ENOX1: variants seen among roughly 807,000 people sequenced by gnomAD.
ENOX1 encodes candidate growth-related and time keeping constitutive hydroquinone (NADH) oxidase.
A neutral mutation model predicts 82.5 loss-of-function variants in ENOX1; 42 were observed. The ratio of observed to expected loss-of-function variants is 0.51; its 90% CI spans 0.40 to 0.66. The LOEUF (loss-of-function observed/expected upper bound fraction) is 0.66. Ranked by LOEUF, ENOX1 falls within the 30% of genes least tolerant of loss-of-function variation. The pLI is 0.00. For synonymous variants in ENOX1, 271 were observed against 282.2 expected, an observed-to-expected ratio of 0.96 and a Z score of 0.40; for missense variants, 608 against 811.6, an observed-to-expected ratio of 0.75 and a Z score of 3.05.
rs1555341728 is a variant in ENOX1 at position 43,616,121 on chromosome 13, T to TAG, written c.-219+51357_-219+51358insCT. On this transcript the variant is annotated intron_variant, in intron 2 of 16. Coordinates refer to ENST00000690772, the MANE Select transcript of ENOX1 (RefSeq NM_001347969.2). ...CTATATAGATAGATATCTATAGATCTATAGATATCTATCTATCTAGATATC... is the reference window on the plus strand; with the variant it reads ...CTATATAGATAGATATCTATAGATCTAGATAGATATCTATCTATCTAGATATC... Among the ~76,000 whole-genome samples the TAG allele has an allele frequency of 4.3e-3, 184 of 43,216 alleles. 6 individuals carry two copies. The highest frequency in any genetic ancestry group is 0.017 in the Middle Eastern group (1 of 60). The allele number at this position is 43,216 out of a possible 152,430, so 28.4% of individuals were successfully genotyped here.
At chr13:43,307,209 C>A (rs1593832017) in intron 11 of ENOX1, among the ~76,000 whole-genome samples, 1 of 152,172 alleles carries the variant, frequency 6.6e-6, no homozygotes, top group East Asian at 1.9e-4. Flanking sequence ...GACTTATGAA[C>A]ACTTACTTGT....
intron 2 of ENOX1, among the ~76,000 whole-genome samples, chr13:43,531,993 G>T (rs770115656): frequency 1.5e-4 from 23 of 151,854 alleles, no homozygotes; most frequent in East Asian, 5.8e-4. Context: ...GTTAATGGGT[G>T]CAGCACACCA....
At chr13:43,425,665 G>C (rs980884860) in intron 3 of ENOX1, among the ~76,000 whole-genome samples, 1 of 152,124 alleles carries the variant, frequency 6.6e-6, no homozygotes, top group Non-Finnish European at 1.5e-5. Flanking sequence ...GAGGCATAAG[G>C]TCTACAATAA....
At chr13:43,291,276 T>C (rs759959464) in intron 12 of ENOX1, among the ~76,000 whole-genome samples, 1 of 152,210 alleles carries the variant, frequency 6.6e-6, no homozygotes, top group Non-Finnish European at 1.5e-5. Context: ...TACTGTTCTG[T>C]GTCCTGCACA....
chr13:43,508,475 A>G (rs1555305702), intron 2 of ENOX1, among the ~76,000 whole-genome samples: 1 of 152,044 alleles, frequency 6.6e-6, no homozygotes, highest in Non-Finnish European at 1.5e-5. Flanking sequence ...AGCAACACAG[A>G]CTAAGTAATA....
At chr13:43,489,586 C>G (rs1463945660) in intron 2 of ENOX1, among the ~76,000 whole-genome samples, 1 of 152,154 alleles carries the variant, frequency 6.6e-6, no homozygotes, top group Non-Finnish European at 1.5e-5. Flanking sequence ...CCCAGTAGGG[C>G]AATCCTTAGT....
intron 3 of ENOX1, among the ~76,000 whole-genome samples, chr13:43,429,017 A>C (rs767286475): frequency 3.3e-5 from 5 of 152,162 alleles, no homozygotes; most frequent in Non-Finnish European, 7.3e-5. Flanking sequence ...GTAGAGACAA[A>C]CTGAAACCCT....
chr13:43,679,493 AT>A (rs759501626), intron 1 of ENOX1, among the ~76,000 whole-genome samples: 1 of 152,206 alleles, frequency 6.6e-6, no homozygotes, highest in Non-Finnish European at 1.5e-5. Flanking sequence ...ACTCAACAAT[AT>A]TTAGGAAGTG....
At chr13:43,702,567 A>G (rs1283840173) in intron 1 of ENOX1, among the ~76,000 whole-genome samples, 1 of 152,170 alleles carries the variant, frequency 6.6e-6, no homozygotes, top group Non-Finnish European at 1.5e-5. Context: ...CAAAACTCAT[A>G]TGTAGAAACT....
At chr13:43,466,552 T>G (rs1422761365) in intron 3 of ENOX1, among the ~76,000 whole-genome samples, 1 of 152,144 alleles carries the variant, frequency 6.6e-6, no homozygotes, top group Non-Finnish European at 1.5e-5. Flanking sequence ...ATATTTTGTA[T>G]AAAAAATCCC....
chr13:43,702,189 T>G (rs2086943682), intron 1 of ENOX1, among the ~76,000 whole-genome samples: 1 of 152,250 alleles, frequency 6.6e-6, no homozygotes. Context: ...TTGTACTCTT[T>G]TTAGTGCTCT....
intron 2 of ENOX1, among the ~76,000 whole-genome samples, chr13:43,558,313 C>T (rs2079529659): frequency 6.6e-6 from 1 of 152,186 alleles, no homozygotes; most frequent in Non-Finnish European, 1.5e-5. Context: ...TGGGGCTTCA[C>T]TGGTTGGAAG....
rs1181222897 is a variant in ENOX1, at chr13:43,389,148, CT to C, written c.208+22767del. Among the ~76,000 whole-genome samples the C allele has an allele frequency of 2.6e-5, 4 of 152,154 alleles. No homozygotes were observed. In the East Asian group the frequency reaches 7.7e-4, roughly 29 times the overall value. ...TGATAAGCATATAACTAGAAACACT[CT>C]TTTGGAAGTAATTTTGTGATGTCTC... On this transcript the variant is annotated intron_variant, in intron 5 of 16. Transcript: ENST00000690772.
intron 1 of ENOX1, among the ~76,000 whole-genome samples, chr13:43,750,374 CA>C (rs986755999): frequency 5.3e-5 from 8 of 152,122 alleles, no homozygotes; most frequent in Non-Finnish European, 1.0e-4. Context: ...CATAACATTC[CA>C]GCTGAGGGAT....
At chr13:43,627,216 T>C (rs564642448) in intron 2 of ENOX1, among the ~76,000 whole-genome samples, 2 of 152,120 alleles carry the variant, frequency 1.3e-5, no homozygotes, top group Non-Finnish European at 2.9e-5. Context: ...TTGGTTCATG[T>C]TTTTAATCAC....
At chr13:43,270,648 G>C (rs771630470) in intron 12 of ENOX1, among the ~76,000 whole-genome samples, 1 of 152,168 alleles carries the variant, frequency 6.6e-6, no homozygotes, top group Non-Finnish European at 1.5e-5. Flanking sequence ...GGTTTGGGGG[G>C]ATTTTGCAGG....
At chr13:43,736,071 T>C (rs1167994434) in intron 1 of ENOX1, among the ~76,000 whole-genome samples, 2 of 152,196 alleles carry the variant, frequency 1.3e-5, no homozygotes, top group Non-Finnish European at 2.9e-5. Flanking sequence ...TTGCACTCAG[T>C]CAGCTTGGTT....
chr13:43,781,008 C>A (rs1223202899), intron 1 of ENOX1, among the ~76,000 whole-genome samples: 4 of 152,216 alleles, frequency 2.6e-5, no homozygotes, highest in Non-Finnish European at 5.9e-5. Flanking sequence ...GCTGCCATAA[C>A]CTTTGTTATG....
At chr13:43,231,765 TC>T in intron 15 of ENOX1, among the ~76,000 whole-genome samples, 1 of 152,326 alleles carries the variant, frequency 6.6e-6, no homozygotes, top group Non-Finnish European at 1.5e-5. Context: ...TTAACTGCAT[TC>T]TTTCTCATTA....
Sources: allele counts gnomAD v4.1 joint callset (sites outside exome capture counted in the v4.1 genomes callset), GRCh38; gene constraint gnomAD v4.1.1; transcripts MANE v1.5; gene names NCBI Gene and HGNC (gene_info 2026-07-23, HGNC 2026-07-21).